The following USP47 variants were observed in gnomAD, a reference collection of about 807,000 sequenced individuals.
The protein encoded by USP47 is ubiquitin carboxyl-terminal hydrolase 47.
A neutral mutation model predicts 165.1 loss-of-function variants in USP47; 35 were observed. That is an observed-to-expected ratio of 0.21 (90% CI 0.16 to 0.28). USP47 has a LOEUF of 0.28. Ranked by LOEUF, USP47 falls within the 10% of genes least tolerant of loss-of-function variation. The pLI, the probability that USP47 is intolerant of heterozygous loss-of-function variation, is 1.00. For synonymous variants in USP47, 531 were observed against 544.5 expected (o/e 0.98, Z 0.35); for missense variants, 1,277 against 1,607.4 (o/e 0.79, Z 3.52).
At chr11:11,878,365 T>G (rs1299135453) in intron 1 of USP47, among the ~76,000 whole-genome samples, 1 of 152,222 alleles carries the variant, frequency 6.6e-6, no homozygotes, top group Non-Finnish European at 1.5e-5. Flanking sequence ...TCATTCAGAC[T>G]TGATCTATCC....
rs188555043 is a variant in USP47, at chr11:11,871,457, C to G, written c.40-8720C>G. Among the ~76,000 whole-genome samples, 1,239 of 126,280 alleles carry G rather than the reference C, an allele frequency of 9.8e-3. 17 individuals carry two copies. Among genetic ancestry groups the G allele is most frequent in the South Asian group, 0.031 (116 of 3,732 alleles). 82.8% of individuals were successfully genotyped at this position (126,280 alleles called of 152,430 possible). The stretch of plus-strand genomic sequence containing the variant: ...GGCAGAGCTTGCAGTGAGCTGAGAT[C>G]GTGCCACTGCACTCCAGCCTGGCAA... On this transcript the variant is annotated intron_variant, in intron 1 of 27. Transcript: ENST00000527733.
rs2134708257 is a variant in USP47, at chr11:11,933,760, A to T, written c.1765-71A>T. The T allele has an allele frequency of 4.8e-6, 5 of 1,049,748 alleles. No individual in the cohort carries two copies. In the African/African-American group the frequency reaches 6.4e-5, roughly 13 times the overall value. The allele number at this position is 1,049,748 out of a possible 1,614,324, so 65.0% of individuals were successfully genotyped here. ...AAATTGCAGTATTTTGACAATTAGG[A>T]ATAAATGCTATCTACGGAAGAATTG... On this transcript the variant is annotated intron_variant, in intron 15 of 27. Coordinates refer to ENST00000527733, the MANE Select transcript of USP47 (RefSeq NM_001282659.2).
chr11:11,855,961 G>A (rs141714843), intron 1 of USP47, among the ~76,000 whole-genome samples: 167 of 152,262 alleles, frequency 1.1e-3, no homozygotes, highest in African/African-American at 3.8e-3. Flanking sequence ...CCATAGAGCG[G>A]GGAGCAGCTG....
At chr11:11,855,602 G>A (rs1021095928) in intron 1 of USP47, among the ~76,000 whole-genome samples, 2 of 152,164 alleles carry the variant, frequency 1.3e-5, no homozygotes, top group African/African-American at 4.8e-5. Context: ...AATACCTGTG[G>A]TAAGGTTATA....
chr11:11,896,974 C>G (rs1162658430), intron 4 of USP47, among the ~76,000 whole-genome samples: 1 of 151,854 alleles, frequency 6.6e-6, no homozygotes, highest in East Asian at 1.9e-4. Context: ...ACATATCACC[C>G]TTTGCACAGC....
chr11:11,850,573 A>G (rs1458906733), intron 1 of USP47, among the ~76,000 whole-genome samples: 1 of 145,620 alleles, frequency 6.9e-6, no homozygotes, highest in Non-Finnish European at 1.5e-5. Context: ...TGCTTTCCTT[A>G]GATGTCTCAT....
At chr11:11,933,774 A>G in intron 15 of USP47, 57 bp from the exon 16 acceptor site, 1 of 1,195,372 alleles carries the variant, frequency 8.4e-7, no homozygotes. Context: ...AATGCTATCT[A>G]CGGAAGAATT....
rs1458138401 is a variant in USP47, at chr11:11,959,300, T to C, written c.*3125T>C. ...ACTCTGAATTAGCAAGTTTTTTGTTTGCTGAATAAAACTATTCCATCTTAA... is the reference window on the plus strand; with the variant it reads ...ACTCTGAATTAGCAAGTTTTTTGTTCGCTGAATAAAACTATTCCATCTTAA... On this transcript the variant is annotated 3_prime_UTR_variant, in exon 28 of 28. Coordinates refer to ENST00000527733, the MANE Select transcript of USP47 (RefSeq NM_001282659.2). The C allele has an allele frequency of 6.6e-6, 1 of 152,234 alleles. No individual in the cohort carries two copies. Among genetic ancestry groups the C allele is most frequent in the African/African-American group, 2.4e-5 (1 of 41,468 alleles). 9.4% of individuals were successfully genotyped at this position (152,234 alleles called of 1,614,324 possible). A position where few individuals can be genotyped will look rare whatever the true frequency, so the allele number is the denominator to read the frequency against.
chr11:11,905,557 CT>C lies in USP47; in HGVS notation c.969+12del. On this transcript the variant is annotated intron_variant, in intron 8 of 27. Coordinates refer to ENST00000527733, the MANE Select transcript of USP47 (RefSeq NM_001282659.2). ...AAGCATTTGCTAGTGTGGTGTGTAC[CT>C]TTCACCTGACTGCTTGTGTATCCTT... 3 of 1,590,134 alleles carry C rather than the reference CT, an allele frequency of 1.9e-6. No individual in the cohort carries two copies. The highest frequency in any genetic ancestry group is 2.6e-6 in the Non-Finnish European group (3 of 1,164,608).
intron 5 of USP47, among the ~76,000 whole-genome samples, chr11:11,902,008 C>T (rs1852262641): frequency 6.6e-6 from 1 of 150,884 alleles, no homozygotes; most frequent in Admixed American, 6.6e-5. Context: ...CCCTCTTCAC[C>T]AGTCATTCAG....
intron 8 of USP47, among the ~76,000 whole-genome samples, chr11:11,916,921 A>G (rs1425703390): frequency 1.3e-5 from 2 of 152,120 alleles, no homozygotes; most frequent in East Asian, 3.9e-4. Flanking sequence ...AGGCTGAGGC[A>G]GGAGGATCCC....
At chr11:11,904,816 TA>T (rs906342639) in intron 7 of USP47, among the ~76,000 whole-genome samples, 1 of 152,158 alleles carries the variant, frequency 6.6e-6, no homozygotes, top group Non-Finnish European at 1.5e-5. Context: ...CCATACATTT[TA>T]AAAAGATTAT....
chr11:11,894,927 T>C (rs1851757279), intron 4 of USP47, among the ~76,000 whole-genome samples: 1 of 152,200 alleles, frequency 6.6e-6, no homozygotes, highest in Admixed American at 6.5e-5. Flanking sequence ...ATATGTGTAC[T>C]TTTCAGAAAA....
rs529864935 is a variant in USP47, at chr11:11,872,710, TCAA to T, written c.40-7463_40-7461del. Among the ~76,000 whole-genome samples the T allele has an allele frequency of 7.1e-3, 1,056 of 149,766 alleles. 9 individuals carry two copies. Among genetic ancestry groups the T allele is most frequent in the African/African-American group, 0.022 (857 of 39,100 alleles). On this transcript the variant is annotated intron_variant, in intron 1 of 27. Transcript: ENST00000527733. ...AACAGTGTTGAAAGATAGTTGCAGT[TCAA>T]CAATTTTTTTGTGAAAGGCACCATG... is the stretch of plus-strand genomic sequence containing the variant.
intron 1 of USP47, among the ~76,000 whole-genome samples, chr11:11,873,444 G>A (rs1208708992): frequency 3.3e-5 from 5 of 152,070 alleles, no homozygotes; most frequent in Admixed American, 3.3e-4. Context: ...AATTTTTAGA[G>A]ACTAGCAAAA....
intron 4 of USP47, among the ~76,000 whole-genome samples, chr11:11,893,837 A>G (rs909117430): frequency 2.0e-5 from 3 of 152,162 alleles, no homozygotes; most frequent in Non-Finnish European, 4.4e-5. Context: ...GCCCAACTCC[A>G]GGTTTTGTTT....
intron 1 of USP47, among the ~76,000 whole-genome samples, chr11:11,861,385 C>T (rs1259334841): frequency 6.6e-6 from 1 of 152,116 alleles, no homozygotes; most frequent in Non-Finnish European, 1.5e-5. Flanking sequence ...CGTGAGCTAC[C>T]ACACCCGGCC....
rs1300802562 is a variant in USP47, at chr11:11,892,380, C to CTTTTTTTTTTTTTTTTTTTTTTTTT, written c.496+293_496+294insTTTTTTTTTTTTTTTTTTTTTTTTT. Among the ~76,000 whole-genome samples, 4 of 121,148 alleles carry CTTTTTTTTTTTTTTTTTTTTTTTTT rather than the reference C, an allele frequency of 3.3e-5. 2 individuals carry two copies. The allele number at this position is 121,148 out of a possible 152,430, so 79.5% of individuals were successfully genotyped here. A position where few individuals can be genotyped will look rare whatever the true frequency, so the allele number is the denominator to read the frequency against. On this transcript the variant is annotated intron_variant, in intron 4 of 27. Transcript: ENST00000527733. ...AGACTTTTCTTTTCTTTTTAATTTTCTTTTTTTTTTTTTTTTTTTGAGACA... is the reference window on the plus strand; with the variant it reads ...AGACTTTTCTTTTCTTTTTAATTTTCTTTTTTTTTTTTTTTTTTTTTTTTTTTTTTTTTTTTTTTTTTTTGAGACA...
At chr11:11,899,070 C>T (rs1049368728) in intron 5 of USP47, among the ~76,000 whole-genome samples, 60 of 152,148 alleles carry the variant, frequency 3.9e-4, no homozygotes, top group African/African-American at 1.4e-3. Flanking sequence ...ATTCACTACT[C>T]TGTTCTGCCT....
Sources: gnomAD v4.1 joint callset for allele counts (sites outside exome capture counted in the v4.1 genomes callset) on GRCh38, gnomAD v4.1.1 for gene constraint, MANE v1.5 for transcripts, NCBI Gene and HGNC (gene_info 2026-07-23, HGNC 2026-07-21) for gene names.